Variants in TCF4 observed in about 807,000 individuals in gnomAD.
TCF4 encodes the protein SL3-3 enhancer factor 2.
In TCF4, 3 loss-of-function variants were observed where a neutral mutation model predicts 82.1. The ratio of observed to expected loss-of-function variants is 0.04; its 90% CI spans 0.02 to 0.09. TCF4 has a LOEUF of 0.09. Among genes scored for constraint, TCF4 ranks in the 10% least tolerant of loss-of-function variants. The probability of loss-of-function intolerance (pLI) is 1.00; values close to 1 mark genes in which losing one functional copy is unlikely to be tolerated. For synonymous variants in TCF4, 276 were observed against 309.6 expected, an observed-to-expected ratio of 0.89 and a Z score of 1.14; for missense variants, 518 against 852.7, an observed-to-expected ratio of 0.61 and a Z score of 4.89.
At chr18:55,585,580 G>A (rs2097635014) in intron 2 of TCF4, 1 of 612,476 alleles carries the variant, frequency 1.6e-6, no homozygotes, top group African/African-American at 1.9e-5. Flanking sequence ...TCATTAGATG[G>A]CCAAGCAGTA....
intron 1 of TCF4, among the ~76,000 whole-genome samples, chr18:55,632,828 C>T (rs557380319): frequency 6.6e-6 from 1 of 152,276 alleles, no homozygotes; most frequent in African/African-American, 2.4e-5. Context: ...ATGCCATTAA[C>T]TGGGATAGGG....
At chr18:55,459,078 C>T (rs1457039990) in intron 5 of TCF4, among the ~76,000 whole-genome samples, 3 of 152,212 alleles carry the variant, frequency 2.0e-5, no homozygotes, top group Non-Finnish European at 4.4e-5. Context: ...GTGGGGGCCT[C>T]GTGGACATAG....
At chr18:55,343,135 C>A (rs79611266) in intron 8 of TCF4, among the ~76,000 whole-genome samples, 266 of 152,116 alleles carry the variant, frequency 1.7e-3, no homozygotes, top group Non-Finnish European at 2.8e-3. Context: ...ACGAATGACA[C>A]CAGTTTTCAT....
chr18:55,289,921 G>A (rs981128420), intron 8 of TCF4, among the ~76,000 whole-genome samples: 12 of 152,014 alleles, frequency 7.9e-5, no homozygotes, highest in African/African-American at 2.7e-4. Context: ...GGACATATGT[G>A]TGTGTGCATG....
chr18:55,287,899 A>G (rs2146499398), intron 8 of TCF4, among the ~76,000 whole-genome samples: 1 of 152,336 alleles, frequency 6.6e-6, no homozygotes, highest in East Asian at 1.9e-4. Context: ...AACTCTAAAT[A>G]AAAATGAGTT....
intron 2 of TCF4, among the ~76,000 whole-genome samples, chr18:55,602,323 G>A (rs1260343367): frequency 1.3e-5 from 2 of 152,154 alleles, no homozygotes; most frequent in African/African-American, 4.8e-5. Flanking sequence ...TGGTATCCAC[G>A]CCCTCAACTC....
chr18:55,406,696 C>T (rs1300009609), intron 5 of TCF4, among the ~76,000 whole-genome samples: 8 of 152,152 alleles, frequency 5.3e-5, no homozygotes, highest in Admixed American at 5.2e-4. Flanking sequence ...CTGGCTGGCG[C>T]GGACAGCCTC....
At chr18:55,401,215 G>A (rs2093797345) in intron 6 of TCF4, 3 of 1,197,428 alleles carry the variant, frequency 2.5e-6, no homozygotes, top group Admixed American at 7.1e-5. Flanking sequence ...TTCATACTCT[G>A]TACATTTTTC....
chr18:55,423,400 G>A (rs965862714), intron 5 of TCF4: 3 of 145,898 alleles, frequency 2.1e-5, no homozygotes, highest in Non-Finnish European at 3.0e-5. Context: ...GCACACACGC[G>A]TGCGCAGGAG....
chr18:55,494,552 T>G (rs904421428), intron 3 of TCF4, among the ~76,000 whole-genome samples: 1 of 152,066 alleles, frequency 6.6e-6, no homozygotes, highest in African/African-American at 2.4e-5. Flanking sequence ...CCCCATTGAT[T>G]TATAGTATTA....
intron 16 of TCF4, among the ~76,000 whole-genome samples, 179 bp from the exon 17 acceptor site, chr18:55,232,850 G>A (rs771677402): frequency 2.6e-5 from 4 of 152,176 alleles, no homozygotes; most frequent in Admixed American, 6.5e-5. Flanking sequence ...AGTTTTCCCT[G>A]CATTGGCTCT....
chr18:55,621,945 A>ATATATTATATATACAC (rs1467904156), intron 2 of TCF4, among the ~76,000 whole-genome samples: 6 of 322 alleles, frequency 0.019, no homozygotes, highest in African/African-American at 0.083. Flanking sequence ...TATATACACT[A>ATATATTATATATACAC]TATATATTAT....
rs1280246569 is a variant in TCF4 at position 55,222,843 on chromosome 18, G to A, written c.*5192C>T. ...TTTCCTTCCATGATAGTTGACACACGTCAGTTTGTACAAGTTAGAAAAAAA... is the reference window on the plus strand; with the variant it reads ...TTTCCTTCCATGATAGTTGACACACATCAGTTTGTACAAGTTAGAAAAAAA... On this transcript the variant is annotated 3_prime_UTR_variant, in exon 20 of 20. Coordinates refer to ENST00000354452, the MANE Select transcript of TCF4 (RefSeq NM_001083962.2). 1 of 152,366 alleles carries A rather than the reference G, an allele frequency of 6.6e-6. No individual in the cohort carries two copies. Among genetic ancestry groups the A allele is most frequent in the East Asian group, 1.9e-4 (1 of 5,194 alleles). 9.4% of individuals were successfully genotyped at this position (152,366 alleles called of 1,614,324 possible).
intron 15 of TCF4, among the ~76,000 whole-genome samples, chr18:55,240,281 C>T (rs1023391184): frequency 1.1e-4 from 16 of 152,170 alleles, no homozygotes; most frequent in African/African-American, 3.6e-4. Context: ...CTTACTGTTA[C>T]TTTTCTCTGT....
chr18:55,454,116 G>C (rs1164863539), intron 5 of TCF4, among the ~76,000 whole-genome samples: 1 of 151,966 alleles, frequency 6.6e-6, no homozygotes, highest in East Asian at 1.9e-4. Context: ...TTCCACCTTG[G>C]CCTCCCAAAG....
At chr18:55,587,377 G>T (rs1280550637) in intron 1 of TCF4, among the ~76,000 whole-genome samples, 3 of 74,620 alleles carry the variant, frequency 4.0e-5, no homozygotes, top group African/African-American at 1.1e-4. Context: ...AAAAAAAAGC[G>T]ATATTGTATT....
chr18:55,254,129 C>G (rs987741031), intron 15 of TCF4, among the ~76,000 whole-genome samples: 2 of 152,082 alleles, frequency 1.3e-5, no homozygotes, highest in African/African-American at 4.8e-5. Context: ...CAAAAAAGAC[C>G]ACCACATGTT....
At chr18:55,564,478 T>C (rs1188686404) in intron 3 of TCF4, among the ~76,000 whole-genome samples, 1 of 152,210 alleles carries the variant, frequency 6.6e-6, no homozygotes, top group Non-Finnish European at 1.5e-5. Context: ...TGATGGTGTC[T>C]TGAACTCAAC....
intron 8 of TCF4, among the ~76,000 whole-genome samples, chr18:55,285,063 A>T (rs987755446): frequency 6.6e-6 from 1 of 152,222 alleles, no homozygotes; most frequent in African/African-American, 2.4e-5. Context: ...CAGTGCAGTG[A>T]TACGTCCATA....
Sources: gnomAD v4.1 joint callset for allele counts (sites outside exome capture counted in the v4.1 genomes callset) on GRCh38, gnomAD v4.1.1 for gene constraint, MANE v1.5 for transcripts, NCBI Gene and HGNC (gene_info 2026-07-23, HGNC 2026-07-21) for gene names.